Variants in ARFIP1 observed in about 807,000 individuals in gnomAD.
The protein encoded by ARFIP1 is ARF interacting protein 1.
A neutral mutation model predicts 42.5 loss-of-function variants in ARFIP1; 24 were observed. The observed-to-expected ratio is 0.57, with a 90% CI of 0.41 to 0.80. The LOEUF (loss-of-function observed/expected upper bound fraction) is 0.80, where lower values mean the gene tolerates loss of function less well. ARFIP1 is among the 30% of genes least tolerant of loss of function. The pLI, the probability that ARFIP1 is intolerant of heterozygous loss-of-function variation, is 0.00. For synonymous variants in ARFIP1, 141 were observed against 153.7 expected (o/e 0.92, Z 0.61); for missense variants, 354 against 434.0 (o/e 0.82, Z 1.64).
chr4:152,876,992 TGCCC>T (rs1735404709), intron 5 of ARFIP1, among the ~76,000 whole-genome samples: 4 of 152,118 alleles, frequency 2.6e-5, no homozygotes, highest in Admixed American at 2.0e-4. Context: ...AATGCCTGGG[TGCCC>T]AGGCAGAAGT....
chr4:152,837,153 C>G (rs547546551), intron 2 of ARFIP1, among the ~76,000 whole-genome samples: 1 of 152,092 alleles, frequency 6.6e-6, no homozygotes, highest in Admixed American at 6.6e-5. Context: ...TATATATACA[C>G]CACAGTTTCT....
At chr4:152,786,410 T>A in intron 1 of ARFIP1, among the ~76,000 whole-genome samples, 1 of 152,236 alleles carries the variant, frequency 6.6e-6, no homozygotes, top group Admixed American at 6.5e-5. Context: ...TATCTTTTCA[T>A]TGTAAAATCC....
chr4:152,868,318 A>T (rs934080619), intron 3 of ARFIP1, among the ~76,000 whole-genome samples: 3 of 152,160 alleles, frequency 2.0e-5, no homozygotes, highest in Non-Finnish European at 4.4e-5. Flanking sequence ...ATATGTATTC[A>T]TCTTTCTAGA....
At chr4:152,901,924 C>G (rs1344726648) in intron 8 of ARFIP1, among the ~76,000 whole-genome samples, 1 of 152,196 alleles carries the variant, frequency 6.6e-6, no homozygotes, top group South Asian at 2.1e-4. Context: ...AAATTGGGAA[C>G]AAGGTTAAAG....
intron 3 of ARFIP1, among the ~76,000 whole-genome samples, chr4:152,867,369 G>A (rs1734494500): frequency 6.6e-6 from 1 of 152,184 alleles, no homozygotes; most frequent in African/African-American, 2.4e-5. Context: ...GGCGGTGCGT[G>A]CCTGCAATCG....
At chr4:152,808,964 A>T (rs1471488768) in intron 1 of ARFIP1, among the ~76,000 whole-genome samples, 1 of 152,148 alleles carries the variant, frequency 6.6e-6, no homozygotes, top group Non-Finnish European at 1.5e-5. Flanking sequence ...AGGCAGGAGA[A>T]TGGCTTGAAC....
chr4:152,829,607 TTTC>T lies in ARFIP1; in HGVS notation c.-9-12_-9-10del, dbSNP rs1373069416. On this transcript the variant is annotated splice_polypyrimidine_tract_variant and intron_variant, in intron 1 of 8. Coordinates refer to ENST00000353617, the MANE Select transcript of ARFIP1 (RefSeq NM_001025595.3). ...ATTTGGTATTAGTTACGGCGCTTTTTTTCTTCTTTTGTTTTAGGAGTCTACCAT... is the reference window on the plus strand; with the variant it reads ...ATTTGGTATTAGTTACGGCGCTTTTTTTCTTTTGTTTTAGGAGTCTACCAT... The T allele has an allele frequency of 6.4e-7, 1 of 1,572,496 alleles. No homozygotes were observed. The highest frequency in any genetic ancestry group is 1.4e-5 in the African/African-American group (1 of 72,658).
At chr4:152,900,454 T>C (rs1737733485) in intron 8 of ARFIP1, among the ~76,000 whole-genome samples, 1 of 152,186 alleles carries the variant, frequency 6.6e-6, no homozygotes, top group Non-Finnish European at 1.5e-5. Context: ...TGTTGAAACC[T>C]ATCCCAATGC....
intron 8 of ARFIP1, among the ~76,000 whole-genome samples, chr4:152,905,178 G>A (rs894585316): frequency 6.6e-6 from 1 of 152,156 alleles, no homozygotes; most frequent in Non-Finnish European, 1.5e-5. Context: ...TGTAGAAGTC[G>A]TTGCTTTCAT....
At chr4:152,806,691 AT>A (rs1729016285) in intron 1 of ARFIP1, among the ~76,000 whole-genome samples, 1 of 151,952 alleles carries the variant, frequency 6.6e-6, no homozygotes, top group Admixed American at 6.6e-5. Flanking sequence ...TCTTCCCTAC[AT>A]TACTTGTCTC....
In ARFIP1 at chr4:152,780,969, T is replaced by C. The variant is rs374474378; in HGVS notation, c.-10+743T>C. On this transcript the variant is annotated intron_variant, in intron 1 of 8. Transcript: ENST00000353617. ...ACACTTTATACTTCCTGCAGATCCT[T>C]TGGCCACTCTTAGGATTTCTGTCCC... is the stretch of plus-strand genomic sequence containing the variant. Among the ~76,000 whole-genome samples the C allele has an allele frequency of 7.2e-4, 109 of 152,336 alleles. 5 individuals are homozygous for C. The South Asian group carries it at 0.022, about 31-fold the overall frequency.
At chr4:152,867,009 A>C (rs1277220791) in intron 3 of ARFIP1, among the ~76,000 whole-genome samples, 6 of 146,992 alleles carry the variant, frequency 4.1e-5, no homozygotes, top group Admixed American at 4.1e-4. Flanking sequence ...CTCACTTTCC[A>C]GACTGGGCAG....
intron 7 of ARFIP1, among the ~76,000 whole-genome samples, chr4:152,886,346 C>A (rs113947823): frequency 1.2e-3 from 185 of 152,104 alleles, no homozygotes; most frequent in African/African-American, 4.2e-3. Flanking sequence ...AACACTTTAA[C>A]ATGGCCTGTA....
chr4:152,810,046 A>G (rs546058682), intron 1 of ARFIP1: 1 of 152,374 alleles, frequency 6.6e-6, no homozygotes, highest in South Asian at 2.1e-4. Context: ...GTTTATGAAT[A>G]TAATAGTGAA....
intron 8 of ARFIP1, among the ~76,000 whole-genome samples, chr4:152,906,331 G>A (rs1190399456): frequency 6.6e-6 from 1 of 152,208 alleles, no homozygotes; most frequent in East Asian, 1.9e-4. Flanking sequence ...AAACTAAGCT[G>A]TTAATATCCA....
At chr4:152,875,527 A>G (rs1166037935) in intron 5 of ARFIP1, among the ~76,000 whole-genome samples, 1 of 152,006 alleles carries the variant, frequency 6.6e-6, no homozygotes, top group Non-Finnish European at 1.5e-5. Flanking sequence ...TCTTTAAACC[A>G]GTATCTTTTA....
At chr4:152,799,528 C>T (rs1731674136) in intron 1 of ARFIP1, among the ~76,000 whole-genome samples, 1 of 152,162 alleles carries the variant, frequency 6.6e-6, no homozygotes, top group Non-Finnish European at 1.5e-5. Context: ...TATGTTTAGT[C>T]CAAAAATCAA....
At chr4:152,800,106 C>G (rs1037859854) in intron 1 of ARFIP1, among the ~76,000 whole-genome samples, 4 of 152,078 alleles carry the variant, frequency 2.6e-5, no homozygotes, top group Non-Finnish European at 5.9e-5. Flanking sequence ...TGAGTATAAG[C>G]TGAATTTATC....
At chr4:152,821,094 C>G (rs1452276980) in intron 1 of ARFIP1, among the ~76,000 whole-genome samples, 3 of 152,134 alleles carry the variant, frequency 2.0e-5, no homozygotes, top group African/African-American at 7.2e-5. Flanking sequence ...GAGGGAGAGT[C>G]ACCCCCAAGA....
Sources: allele counts gnomAD v4.1 joint callset (sites outside exome capture counted in the v4.1 genomes callset), GRCh38; gene constraint gnomAD v4.1.1; transcripts MANE v1.5; gene names NCBI Gene and HGNC (gene_info 2026-07-23, HGNC 2026-07-21).